The following ULK4 variants were observed in gnomAD, a reference collection of about 807,000 sequenced individuals.
ULK4 encodes unc-51 like kinase 4.
In ULK4, 133 loss-of-function variants were observed where a neutral mutation model predicts 160.6. That is an observed-to-expected ratio of 0.83 (90% CI 0.72 to 0.96). ULK4 has a LOEUF of 0.96. ULK4 is among the 40% of genes least tolerant of loss of function. The pLI, the probability that ULK4 is intolerant of heterozygous loss-of-function variation, is 0.00. For missense variants in ULK4, 1,580 were observed against 1,499.5 expected, an observed-to-expected ratio of 1.05 and a Z score of -0.89; for synonymous variants, 534 against 539.8, an observed-to-expected ratio of 0.99 and a Z score of 0.15.
At chr3:41,619,139 A>C (rs2033121933) in intron 30 of ULK4, among the ~76,000 whole-genome samples, 1 of 152,132 alleles carries the variant, frequency 6.6e-6, no homozygotes, top group African/African-American at 2.4e-5. Flanking sequence ...ACAAGTTCTT[A>C]GAGACCTACA....
At chr3:41,710,141 AATTATT>A (rs1164484499) in intron 25 of ULK4, among the ~76,000 whole-genome samples, 1 of 152,112 alleles carries the variant, frequency 6.6e-6, no homozygotes, top group African/African-American at 2.4e-5. Flanking sequence ...TAAATGCTGA[AATTATT>A]ATTAATTATT....
Position 41,681,663 on chromosome 3 carries a change from A to C in ULK4, c.2834-11T>G. 6.2e-7 allele frequency: 1 copy of C among 1,612,850 alleles called. No homozygotes were observed. The highest frequency in any genetic ancestry group is 8.5e-7 in the Non-Finnish European group (1 of 1,179,630). On this transcript the variant is annotated splice_polypyrimidine_tract_variant and intron_variant, in intron 28 of 36. Coordinates refer to ENST00000301831, the MANE Select transcript of ULK4 (RefSeq NM_017886.4). The stretch of plus-strand genomic sequence containing the variant: ...AGAGTCTCCACTCCACTTGAAAGAA[A>C]AAAAAAATGCCAAGAATGTGACTCC...
chr3:41,512,027 A>G (rs2085595624), intron 32 of ULK4, among the ~76,000 whole-genome samples: 1 of 152,236 alleles, frequency 6.6e-6, no homozygotes, highest in South Asian at 2.1e-4. Context: ...AAAAAGAAAA[A>G]TCAGACTATC....
chr3:41,498,334 T>C (rs898255613), intron 32 of ULK4, among the ~76,000 whole-genome samples: 5 of 152,038 alleles, frequency 3.3e-5, no homozygotes, highest in Non-Finnish European at 7.4e-5. Flanking sequence ...ACAAGGGAAA[T>C]TAGAAAACAT....
rs140149697 is a variant in ULK4 at position 41,582,406 on chromosome 3, C to A, written c.3121-16276G>T. Among the ~76,000 whole-genome samples the A allele has an allele frequency of 3.8e-3, 581 of 152,234 alleles. 7 individuals are homozygous for A. Among genetic ancestry groups the A allele is most frequent in the African/African-American group, 0.013 (553 of 41,544 alleles). On this transcript the variant is annotated intron_variant, in intron 31 of 36. Transcript: ENST00000301831. ...TAATAAGTACCTAGGATATTAATTT[C>A]TTTTGAATTCGGGGGATTAAAAACA... is the stretch of plus-strand genomic sequence containing the variant.
chr3:41,846,144 T>C (rs2042064030), intron 17 of ULK4, among the ~76,000 whole-genome samples: 1 of 152,152 alleles, frequency 6.6e-6, no homozygotes, highest in Non-Finnish European at 1.5e-5. Flanking sequence ...ACCTCACATC[T>C]CACTTGCAAA....
At chr3:41,409,072 G>A (rs759499134) in intron 34 of ULK4, among the ~76,000 whole-genome samples, 22 of 152,036 alleles carry the variant, frequency 1.4e-4, no homozygotes, top group Non-Finnish European at 1.9e-4. Context: ...CCTGGGGAAC[G>A]TGGCGAAACC....
chr3:41,866,770 TTATTAAAAAC>T (rs142020626), intron 17 of ULK4, among the ~76,000 whole-genome samples: 48,057 of 151,936 alleles, frequency 0.32, 11,217 homozygotes, highest in African/African-American at 0.66. Context: ...ACTGTTATCA[TTATTAAAAAC>T]TGGAAGGTTT....
intron 35 of ULK4, among the ~76,000 whole-genome samples, chr3:41,310,630 A>G (rs1262649699): frequency 1.3e-5 from 2 of 152,222 alleles, no homozygotes; most frequent in Admixed American, 1.3e-4. Flanking sequence ...ACTTTATGCT[A>G]TTTACCTGAA....
intron 17 of ULK4, among the ~76,000 whole-genome samples, chr3:41,851,914 G>T (rs1040661748): frequency 2.0e-5 from 3 of 152,070 alleles, no homozygotes; most frequent in African/African-American, 7.2e-5. Context: ...AACTGAAGGA[G>T]ATAGAAACAC....
intron 32 of ULK4, among the ~76,000 whole-genome samples, chr3:41,520,075 C>A (rs9866353): frequency 0.26 from 38,823 of 151,998 alleles, 5,215 homozygotes; most frequent in African/African-American, 0.31. Context: ...TAAAAATGTA[C>A]CATTTTAACT....
chr3:41,551,940 G>T (rs2087083947), intron 32 of ULK4, among the ~76,000 whole-genome samples: 1 of 151,906 alleles, frequency 6.6e-6, no homozygotes, highest in Non-Finnish European at 1.5e-5. Context: ...TTATTCCAGG[G>T]ACACAAGGAT....
At chr3:41,431,284 G>A (rs1329637974) in intron 34 of ULK4, among the ~76,000 whole-genome samples, 4 of 151,514 alleles carry the variant, frequency 2.6e-5, no homozygotes, top group Admixed American at 1.3e-4. Context: ...GGGGGCAGAG[G>A]TTGCAGTGAA....
Position 41,754,436 on chromosome 3 carries a change from C to G in ULK4, c.2246G>C (p.Arg749Thr). ...RLLDSPSTCI[R>T]AKAFLVLLYI... ...TAGAAGAACCAGGAAGGCTTTTGCT[C>G]TAATGCATGTTGAGGGGCTGTCAAG... The change falls in exon 22 of 37, where the codon AGA (arginine) becomes ACA (threonine). Residue 749 changes from arginine to threonine, a missense_variant. Transcript: ENST00000301831. 6.2e-7 allele frequency: 1 copy of G among 1,613,764 alleles called. No homozygotes were observed. The highest frequency in any genetic ancestry group is 8.5e-7 in the Non-Finnish European group (1 of 1,179,870).
chr3:41,845,351 A>T (rs1033542481), intron 17 of ULK4, among the ~76,000 whole-genome samples: 2 of 152,234 alleles, frequency 1.3e-5, no homozygotes, highest in African/African-American at 4.8e-5. Flanking sequence ...AAAATGAACA[A>T]ACAACTGATA....
intron 21 of ULK4, among the ~76,000 whole-genome samples, chr3:41,769,564 G>C (rs988493452): frequency 6.6e-6 from 1 of 152,138 alleles, no homozygotes; most frequent in Non-Finnish European, 1.5e-5. Context: ...CCAAATCACA[G>C]CACAACAAGG....
At position 41,804,659 on chromosome 3, in the gene ULK4, G is replaced by A. The variant is rs1016292280; in HGVS notation, c.1849-4366C>T. On this transcript the variant is annotated intron_variant, in intron 19 of 36. Coordinates refer to ENST00000301831, the MANE Select transcript of ULK4 (RefSeq NM_017886.4). ...TAATCCATCTTGAATTAATTTTTGT[G>A]TAAGGTGTAAGGAAGGGATCCAGTT... Among the ~76,000 whole-genome samples the A allele has an allele frequency of 4.1e-3, 618 of 151,834 alleles. 3 individuals carry two copies. Among genetic ancestry groups the A allele is most frequent in the African/African-American group, 0.014 (569 of 41,402 alleles).
intron 21 of ULK4, among the ~76,000 whole-genome samples, chr3:41,782,305 A>AT (rs1434864658): frequency 2.6e-5 from 4 of 152,082 alleles, no homozygotes; most frequent in Admixed American, 6.6e-5. Flanking sequence ...TCCTGTTTAG[A>AT]TTTTTTAAGT....
chr3:41,433,254 A>G (rs1035763727), intron 34 of ULK4, among the ~76,000 whole-genome samples: 1 of 152,210 alleles, frequency 6.6e-6, no homozygotes, highest in East Asian at 1.9e-4. Context: ...GCTAAACTTC[A>G]TAAGTGATGA....
Sources: allele counts gnomAD v4.1 joint callset (sites outside exome capture counted in the v4.1 genomes callset), GRCh38; gene constraint gnomAD v4.1.1; transcripts MANE v1.5; gene names NCBI Gene and HGNC (gene_info 2026-07-23, HGNC 2026-07-21).